The following PIK3C2G variants were observed in gnomAD, a reference collection of about 807,000 sequenced individuals.
The protein encoded by PIK3C2G is phosphatidylinositol 3-kinase C2 domain-containing subunit gamma.
In PIK3C2G, 168 loss-of-function variants were observed where a neutral mutation model predicts 181.1. The ratio of observed to expected loss-of-function variants is 0.93; its 90% CI spans 0.82 to 1.05. The LOEUF is 1.05. Among genes scored for constraint, PIK3C2G ranks in the 50% least tolerant of loss-of-function variants. The probability of loss-of-function intolerance (pLI) is 0.00; values close to 1 mark genes in which losing one functional copy is unlikely to be tolerated. For synonymous variants in PIK3C2G, 573 were observed against 592.2 expected (o/e 0.97, Z 0.47); for missense variants, 1,869 against 1,732.8 (o/e 1.08, Z -1.40).
intron 28 of PIK3C2G, among the ~76,000 whole-genome samples, chr12:18,566,481 G>A (rs1159135689): frequency 6.6e-6 from 1 of 152,182 alleles, no homozygotes; most frequent in Non-Finnish European, 1.5e-5. Context: ...TGGGGAAAGT[G>A]TTACTATTTT....
In PIK3C2G at chr12:18,321,564, G is replaced by T. The variant is rs1479647132; in HGVS notation, c.1208+532G>T. On this transcript the variant is annotated intron_variant, in intron 7 of 32. Transcript: ENST00000538779. ...TATTGCGTAGCTAAACTGGGAGTTT[G>T]GGTGTATCTGCAGTTAAGGTTGTTG... Among the ~76,000 whole-genome samples, 3 of 152,170 alleles carry T rather than the reference G, an allele frequency of 2.0e-5. No homozygotes were observed. In the East Asian group the frequency reaches 5.8e-4, roughly 29 times the overall value.
At chr12:18,664,463 T>C in the PIK3C2G span, among the ~76,000 whole-genome samples, 3 of 152,166 alleles carry the variant, frequency 2.0e-5, no homozygotes, top group African/African-American at 7.2e-5. Context: ...TTATGGCATA[T>C]ACTACAGCAT....
chr12:18,251,868 T>C (rs575270683), intron 1 of PIK3C2G, among the ~76,000 whole-genome samples: 1 of 152,156 alleles, frequency 6.6e-6, no homozygotes, highest in South Asian at 2.1e-4. Context: ...GGAATGAAGA[T>C]ACCAAAATTA....
chr12:18,586,232 TA>T (rs1946768593), intron 29 of PIK3C2G, among the ~76,000 whole-genome samples: 3 of 151,862 alleles, frequency 2.0e-5, no homozygotes, highest in Admixed American at 2.0e-4. Context: ...AATCAGAGCT[TA>T]ACTGAAGGAG....
At chr12:18,694,091 T>C in the PIK3C2G span, 4 of 1,134,252 alleles carry the variant, frequency 3.5e-6, no homozygotes, top group Non-Finnish European at 5.3e-6. Context: ...TGAGGGGCTG[T>C]ATCTCTAGTG....
Position 18,282,176 on chromosome 12 carries a change from C to A in PIK3C2G, c.95C>A (p.Ser32Tyr). The A allele has an allele frequency of 6.2e-7, 1 of 1,612,084 alleles. No individual in the cohort carries two copies. Among genetic ancestry groups the A allele is most frequent in the Non-Finnish European group, 8.5e-7 (1 of 1,178,686 alleles). Residue 32 changes from serine to tyrosine, a missense_variant, in exon 2 of 33, where the codon TCT (serine) becomes TAT (tyrosine). Physicochemically the swap from Ser to Tyr is moderately radical, Grantham distance 144. Coordinates refer to ENST00000538779, the MANE Select transcript of PIK3C2G (RefSeq NM_001288772.2). The part of the protein sequence containing the change: ...QEFLFVNQPH[S>Y]SSQVSLGFDQ... ...TTTCTCTTTGTAAATCAACCCCATT[C>A]TTCTAGCCAAGTCAGTCTGGGTTTT...
At chr12:18,394,671 A>G (rs1161812628) in intron 15 of PIK3C2G, among the ~76,000 whole-genome samples, 1 of 152,012 alleles carries the variant, frequency 6.6e-6, no homozygotes, top group Non-Finnish European at 1.5e-5. Context: ...AAAATCAGCA[A>G]ATGGGCTTAA....
chr12:18,469,328 C>T (rs1036207944), intron 18 of PIK3C2G, among the ~76,000 whole-genome samples: 1 of 152,056 alleles, frequency 6.6e-6, no homozygotes, highest in Non-Finnish European at 1.5e-5. Context: ...GCTTTCGACT[C>T]TGCTTAAAAT....
the PIK3C2G span, among the ~76,000 whole-genome samples, chr12:18,655,657 G>A: frequency 6.6e-6 from 1 of 151,908 alleles, no homozygotes. Flanking sequence ...TGGAAGTCGT[G>A]TTGGCAGTAT....
chr12:18,716,233 CT>C, the PIK3C2G span, among the ~76,000 whole-genome samples: 1 of 151,672 alleles, frequency 6.6e-6, no homozygotes, highest in African/African-American at 2.4e-5. Flanking sequence ...CAATCTTGAG[CT>C]TTTTACTTGG....
At chr12:18,707,760 A>G in the PIK3C2G span, among the ~76,000 whole-genome samples, 1 of 152,142 alleles carries the variant, frequency 6.6e-6, no homozygotes, top group Non-Finnish European at 1.5e-5. Context: ...CTAAACTTTA[A>G]TCTTATCTAT....
intron 32 of PIK3C2G, among the ~76,000 whole-genome samples, chr12:18,641,278 C>T (rs192904673): frequency 6.6e-6 from 1 of 152,208 alleles, no homozygotes; most frequent in African/African-American, 2.4e-5. Flanking sequence ...TCTGCTTTCC[C>T]TTCATCTCTC....
At chr12:18,339,986 C>G (rs1004922254) in intron 9 of PIK3C2G, among the ~76,000 whole-genome samples, 2 of 151,960 alleles carry the variant, frequency 1.3e-5, no homozygotes, top group East Asian at 3.9e-4. Flanking sequence ...CTAAATTTTT[C>G]TTAATAAGGA....
intron 29 of PIK3C2G, among the ~76,000 whole-genome samples, chr12:18,584,890 A>C (rs1018052933): frequency 2.0e-5 from 3 of 152,298 alleles, no homozygotes; most frequent in East Asian, 1.9e-4. Context: ...GCCTGTATTC[A>C]ACATACTTAA....
At chr12:18,638,951 CAAAAAAA>C (rs779064940) in intron 31 of PIK3C2G, among the ~76,000 whole-genome samples, 16 of 97,602 alleles carry the variant, frequency 1.6e-4, no homozygotes, top group South Asian at 7.7e-4. Context: ...CTCTTCTCAC[CAAAAAAA>C]AAAAAAAAAA....
chr12:18,481,203 G>A (rs1349096841), intron 18 of PIK3C2G, among the ~76,000 whole-genome samples: 1 of 152,148 alleles, frequency 6.6e-6, no homozygotes, highest in Non-Finnish European at 1.5e-5. Flanking sequence ...CAAAATGCTA[G>A]GATTATAGGC....
At chr12:18,662,190 T>C in the PIK3C2G span, among the ~76,000 whole-genome samples, 2 of 152,102 alleles carry the variant, frequency 1.3e-5, no homozygotes, top group African/African-American at 2.4e-5. Context: ...AGTTATGCTA[T>C]GCTACCTAAA....
In PIK3C2G at chr12:18,484,575, A is replaced by C. The variant is rs570376912; in HGVS notation, c.2505-3874A>C. 2.6e-5 allele frequency among the ~76,000 whole-genome samples: 4 copies of C among 152,290 alleles called. No homozygotes were observed. The South Asian group carries it at 8.3e-4, about 32-fold the overall frequency. On this transcript the variant is annotated intron_variant, in intron 18 of 32. Coordinates refer to ENST00000538779, the MANE Select transcript of PIK3C2G (RefSeq NM_001288772.2). ...ATTATCTGCAGACTTGCCCCATATA[A>C]TGCTCTTTATATGCAAAATTCAACA...
intron 5 of PIK3C2G, among the ~76,000 whole-genome samples, chr12:18,308,273 C>T (rs1950501642): frequency 6.6e-6 from 1 of 151,678 alleles, no homozygotes; most frequent in South Asian, 2.1e-4. Context: ...AATTCTACTA[C>T]AATATTATAT....
Sources: allele counts gnomAD v4.1 joint callset (sites outside exome capture counted in the v4.1 genomes callset), GRCh38; gene constraint gnomAD v4.1.1; transcripts MANE v1.5; gene names NCBI Gene and HGNC (gene_info 2026-07-23, HGNC 2026-07-21).